The following HS6ST3 variants were observed in gnomAD, a reference collection of about 807,000 sequenced individuals.
The protein encoded by HS6ST3 is heparan sulfate 6-O-sulfotransferase 3, also known as heparan-sulfate 6-O-sulfotransferase 3.
A neutral mutation model predicts 36.7 loss-of-function variants in HS6ST3; 12 were observed. The ratio of observed to expected loss-of-function variants is 0.33; its 90% CI spans 0.21 to 0.53. The LOEUF (loss-of-function observed/expected upper bound fraction) is 0.53. Ranked by LOEUF, HS6ST3 falls within the 20% of genes least tolerant of loss-of-function variation. The probability of loss-of-function intolerance (pLI) is 0.95; values close to 1 mark genes in which losing one functional copy is unlikely to be tolerated. For missense variants in HS6ST3, 584 were observed against 640.9 expected (o/e 0.91, Z 0.96); for synonymous variants, 240 against 257.5 (o/e 0.93, Z 0.65).
chr13:96,432,115 T>C (rs2055618632), intron 1 of HS6ST3, among the ~76,000 whole-genome samples: 2 of 152,304 alleles, frequency 1.3e-5, no homozygotes, highest in Non-Finnish European at 2.9e-5. Flanking sequence ...CTTTTTGCCC[T>C]TTTTCCTTTA....
intron 1 of HS6ST3, among the ~76,000 whole-genome samples, chr13:96,711,462 T>A (rs893730319): frequency 6.6e-6 from 1 of 152,238 alleles, no homozygotes; most frequent in African/African-American, 2.4e-5. Flanking sequence ...GCATTTTTAT[T>A]GGGAAATATA....
intron 1 of HS6ST3, among the ~76,000 whole-genome samples, chr13:96,100,001 A>G (rs1214256892): frequency 1.3e-5 from 2 of 152,206 alleles, no homozygotes; most frequent in Admixed American, 6.5e-5. Flanking sequence ...GTAAAGAACA[A>G]GGTGACATGC....
chr13:96,118,643 AAGATAT>A (rs1251319446), intron 1 of HS6ST3, among the ~76,000 whole-genome samples: 8 of 67,978 alleles, frequency 1.2e-4, no homozygotes, highest in Admixed American at 3.4e-4. Context: ...AAGAACATTA[AAGATAT>A]ATATATATAT....
At chr13:96,180,465 C>T (rs2054234419) in intron 1 of HS6ST3, among the ~76,000 whole-genome samples, 1 of 152,082 alleles carries the variant, frequency 6.6e-6, no homozygotes, top group African/African-American at 2.4e-5. Context: ...AGCTTTTATT[C>T]ATAAAACTTT....
At position 96,838,325 on chromosome 13, in the gene HS6ST3, C is replaced by G. The variant is rs759510058; in HGVS notation, c.*5127C>G. The G allele has an allele frequency of 3.3e-5, 5 of 152,220 alleles. No homozygotes were observed. The highest frequency in any genetic ancestry group is 1.2e-4 in the African/African-American group (5 of 41,446). The allele number at this position is 152,220 out of a possible 1,614,324, so 9.4% of individuals were successfully genotyped here. A position where few individuals can be genotyped will look rare whatever the true frequency, so the allele number is the denominator to read the frequency against. ...GAAATGAATGAAGAGGATCTTGAGA[C>G]AGGACCAGAGCATTGGAATGGTTGT... On this transcript the variant is annotated 3_prime_UTR_variant, in exon 2 of 2. Transcript: ENST00000376705.
At chr13:96,094,150 C>CT (rs1361923392) in intron 1 of HS6ST3, among the ~76,000 whole-genome samples, 1 of 152,036 alleles carries the variant, frequency 6.6e-6, no homozygotes, top group Non-Finnish European at 1.5e-5. Context: ...GAGTAAGTTA[C>CT]TTTTTCTGAG....
rs188002833 is a variant in HS6ST3 at position 96,138,178 on chromosome 13, T to C, written c.707+46609T>C. ...AAATCTGTTATGAATAGCACAGGAA[T>C]TGAAATGTCACTTCCTCAAATTTAT... On this transcript the variant is annotated intron_variant, in intron 1 of 1. Coordinates refer to ENST00000376705, the MANE Select transcript of HS6ST3 (RefSeq NM_153456.4). Among the ~76,000 whole-genome samples, 58 of 152,302 alleles carry C rather than the reference T, an allele frequency of 3.8e-4. 1 individual carries two copies. Among genetic ancestry groups the C allele is most frequent in the African/African-American group, 1.3e-3 (55 of 41,574 alleles).
At chr13:96,282,584 T>C (rs2139394541) in intron 1 of HS6ST3, among the ~76,000 whole-genome samples, 1 of 152,304 alleles carries the variant, frequency 6.6e-6, no homozygotes, top group African/African-American at 2.4e-5. Context: ...ATCTTTGGCG[T>C]ACAATATCTC....
intron 1 of HS6ST3, among the ~76,000 whole-genome samples, chr13:96,668,845 C>T (rs1382905950): frequency 1.3e-5 from 2 of 149,874 alleles, no homozygotes; most frequent in African/African-American, 4.9e-5. Context: ...CTTACATTTA[C>T]CCTTGAGGAT....
intron 1 of HS6ST3, among the ~76,000 whole-genome samples, chr13:96,519,419 T>C (rs1020600580): frequency 1.3e-5 from 2 of 152,202 alleles, no homozygotes; most frequent in African/African-American, 4.8e-5. Flanking sequence ...AATGACCGTA[T>C]CTAAACTGAA....
At chr13:96,354,029 T>C (rs1397785285) in intron 1 of HS6ST3, among the ~76,000 whole-genome samples, 1 of 152,186 alleles carries the variant, frequency 6.6e-6, no homozygotes, top group Non-Finnish European at 1.5e-5. Context: ...TTACTCTAAA[T>C]GCACTCTATC....
intron 1 of HS6ST3, among the ~76,000 whole-genome samples, chr13:96,252,130 A>G (rs1348575687): frequency 7.2e-5 from 11 of 152,264 alleles, no homozygotes; most frequent in Admixed American, 4.6e-4. Context: ...TGGACTATTG[A>G]GGTCTCCTAC....
At chr13:96,184,221 A>AGAG (rs34964862) in intron 1 of HS6ST3, among the ~76,000 whole-genome samples, 26,742 of 58,884 alleles carry the variant, frequency 0.45, 3,736 homozygotes, top group Non-Finnish European at 0.47. Context: ...AAAAAAAAAA[A>AGAG]AGAGAGAGAG....
chr13:96,714,368 G>A (rs1875641258), intron 1 of HS6ST3, among the ~76,000 whole-genome samples: 1 of 151,966 alleles, frequency 6.6e-6, no homozygotes, highest in Non-Finnish European at 1.5e-5. Context: ...AAGAGAGGAA[G>A]GGCAAATGTC....
rs117635850 is a variant in HS6ST3, at chr13:96,504,900, G to A, written c.708-327590G>A. ...CAATTTCAAGATGTAACTGCTAAAT[G>A]TAAAAATAAAATTTAAGAATAATAA... On this transcript the variant is annotated intron_variant, in intron 1 of 1. Coordinates refer to ENST00000376705, the MANE Select transcript of HS6ST3 (RefSeq NM_153456.4). Among the ~76,000 whole-genome samples, 223 of 152,228 alleles carry A rather than the reference G, an allele frequency of 1.5e-3. 3 individuals are homozygous for A. The East Asian group carries it at 0.039, about 27-fold the overall frequency.
At chr13:96,305,357 A>G (rs1005657741) in intron 1 of HS6ST3, among the ~76,000 whole-genome samples, 4 of 152,192 alleles carry the variant, frequency 2.6e-5, no homozygotes, top group Admixed American at 1.3e-4. Context: ...GATAGGCAAT[A>G]AAGTTTGATA....
At chr13:96,407,627 C>T (rs139027873) in intron 1 of HS6ST3, among the ~76,000 whole-genome samples, 1 of 152,250 alleles carries the variant, frequency 6.6e-6, no homozygotes, top group Non-Finnish European at 1.5e-5. Context: ...TTTTGATAAC[C>T]TAGCAAGATC....
chr13:96,688,878 A>G (rs1272752033), intron 1 of HS6ST3, among the ~76,000 whole-genome samples: 1 of 151,788 alleles, frequency 6.6e-6, no homozygotes, highest in Admixed American at 6.6e-5. Flanking sequence ...CCTCCTCACT[A>G]CTGTGTGTTT....
At chr13:96,607,207 A>G (rs2138986033) in intron 1 of HS6ST3, among the ~76,000 whole-genome samples, 1 of 152,364 alleles carries the variant, frequency 6.6e-6, no homozygotes, top group Non-Finnish European at 1.5e-5. Context: ...TATGTAAACA[A>G]AAGGAAAAAA....
Sources: allele counts gnomAD v4.1 joint callset (sites outside exome capture counted in the v4.1 genomes callset), GRCh38; gene constraint gnomAD v4.1.1; transcripts MANE v1.5; gene names NCBI Gene and HGNC (gene_info 2026-07-23, HGNC 2026-07-21).